AP2M1: variants seen among roughly 807,000 people sequenced by gnomAD.
AP2M1 encodes AP-2 complex subunit mu.
AP2M1 carries 5 observed loss-of-function variants against 54.5 expected under a neutral mutation model. The ratio of observed to expected loss-of-function variants is 0.09; its 90% CI spans 0.05 to 0.19. The LOEUF is 0.19. AP2M1 is among the 10% of genes least tolerant of loss of function. The pLI is 1.00. For synonymous variants in AP2M1, 186 were observed against 208.2 expected (o/e 0.89, Z 0.92); for missense variants, 178 against 580.2 (o/e 0.31, Z 7.12).
chr3:184,181,202 G>A lies in AP2M1; in HGVS notation c.683G>A (p.Gly228Asp), dbSNP rs1255589027. 1.9e-6 allele frequency: 3 copies of A among 1,614,008 alleles called. No individual in the cohort carries two copies. ...DKIVIEKQGKGTADETSKSGK... is the reference protein window; with the variant it reads ...DKIVIEKQGKDTADETSKSGK... ...ATTGTTATTGAAAAGCAGGGCAAAG[G>A]CACAGCTGATGAAACAAGCAAGAGG... Residue 228 changes from glycine to aspartate, a missense_variant, in exon 7 of 12, where the codon GGC becomes GAC. By Grantham distance (94) the Gly-to-Asp change is moderately conservative. Transcript: ENST00000292807. This position sits in a 1 kb window ranked among gnomAD's most constrained non-coding sequence, Gnocchi z 5.7.
At chr3:184,176,136 A>G (rs1715066110) in intron 1 of AP2M1, among the ~76,000 whole-genome samples, 1 of 152,076 alleles carries the variant, frequency 6.6e-6, no homozygotes, top group African/African-American at 2.4e-5. Context: ...GCCTGGAATC[A>G]CGATTTCAGA....
chr3:184,181,200 A>G lies in AP2M1; in HGVS notation c.681A>G (p.Lys227=). 11 of 1,614,146 alleles carry G rather than the reference A, an allele frequency of 6.8e-6. No homozygotes were observed. The highest frequency in any genetic ancestry group is 9.3e-6 in the Non-Finnish European group (11 of 1,180,026). Residue 227 remains lysine (K), a synonymous_variant, in exon 7 of 12, where the codon AAA becomes AAG. Coordinates refer to ENST00000292807, the MANE Select transcript of AP2M1 (RefSeq NM_004068.4). This position sits in a 1 kb window ranked among gnomAD's most constrained non-coding sequence, Gnocchi z 5.7. Reference sequence around the variant, plus strand: ...AGATTGTTATTGAAAAGCAGGGCAAAGGCACAGCTGATGAAACAAGCAAGA... The same window carrying G: ...AGATTGTTATTGAAAAGCAGGGCAAGGGCACAGCTGATGAAACAAGCAAGA... ...NDKIVIEKQG[K]GTADETSKSG...
chr3:184,178,852 C>A lies in AP2M1; in HGVS notation c.75-5C>A, dbSNP rs914732362. On this transcript the variant is annotated splice_polypyrimidine_tract_variant and splice_region_variant and intron_variant, in intron 2 of 11. Transcript: ENST00000292807. This position sits in a 1 kb window ranked among gnomAD's most constrained non-coding sequence, Gnocchi z 4.9. ...GAGCAGGCCCTATGCACTCTTTTCC[C>A]TCAGGAGGAACGCAGTGGATGCCTT... is the stretch of plus-strand genomic sequence containing the variant. 1 of 1,613,410 alleles carries A rather than the reference C, an allele frequency of 6.2e-7. No individual in the cohort carries two copies. The highest frequency in any genetic ancestry group is 8.5e-7 in the Non-Finnish European group (1 of 1,179,722).
chr3:184,180,820 C>T lies in AP2M1; in HGVS notation c.430-29C>T, dbSNP rs376758848. Reference sequence around the variant, plus strand: ...GATTAAAGGGACAGAGGAGTGAGGCCATTGCTGTTTGTTTCTGCCCTCATG... The same window carrying T: ...GATTAAAGGGACAGAGGAGTGAGGCTATTGCTGTTTGTTTCTGCCCTCATG... On this transcript the variant is annotated intron_variant, in intron 5 of 11. Coordinates refer to ENST00000292807, the MANE Select transcript of AP2M1 (RefSeq NM_004068.4). The surrounding 1 kb of genome is among the most constrained non-coding windows in gnomAD (Gnocchi z 4.9). 6.2e-7 allele frequency: 1 copy of T among 1,614,094 alleles called. No individual in the cohort carries two copies. The highest frequency in any genetic ancestry group is 8.5e-7 in the Non-Finnish European group (1 of 1,180,042).
chr3:184,179,994 G>A, intron 3 of AP2M1, 175 bp from the exon 4 acceptor site: 1 of 646,664 alleles, frequency 1.5e-6, no homozygotes, highest in Non-Finnish European at 2.7e-6. Flanking sequence ...TCAAACATTT[G>A]AATTGTTTTC....
At position 184,181,680 on chromosome 3, in the gene AP2M1, CTGCCCCTGCT is replaced by C; in HGVS notation, c.708-12_708-3del. The C allele has an allele frequency of 6.2e-7, 1 of 1,613,504 alleles. No homozygotes were observed. The highest frequency in any genetic ancestry group is 8.5e-7 in the Non-Finnish European group (1 of 1,179,812). ...TTCTCCTGTACCAATGAGACCTCTTCTGCCCCTGCTTGCAGCGGGAAGCAATCAATTGCCA... is the reference window on the plus strand; with the variant it reads ...TTCTCCTGTACCAATGAGACCTCTTCTGCAGCGGGAAGCAATCAATTGCCA... On this transcript the variant is annotated splice_region_variant and splice_polypyrimidine_tract_variant and intron_variant, in intron 7 of 11. Coordinates refer to ENST00000292807, the MANE Select transcript of AP2M1 (RefSeq NM_004068.4). This position sits in a 1 kb window ranked among gnomAD's most constrained non-coding sequence, Gnocchi z 5.7.
Position 184,176,849 on chromosome 3 carries a change from A to C in AP2M1, c.-43-102A>C, listed in dbSNP as rs2231213. The stretch of plus-strand genomic sequence containing the variant: ...GGAGGGCTGCAGGGTCACTTACTAA[A>C]GGGTTGAGTCAGGAAAGAAGCTCCA... On this transcript the variant is annotated intron_variant, in intron 1 of 11. Coordinates refer to ENST00000292807, the MANE Select transcript of AP2M1 (RefSeq NM_004068.4). 6.8e-3 allele frequency: 5,082 copies of C among 748,944 alleles called. 32 individuals are homozygous for C. Among genetic ancestry groups the C allele is most frequent in the Non-Finnish European group, 8.9e-3 (4,330 of 485,216 alleles). The allele number at this position is 748,944 out of a possible 1,614,324, so 46.4% of individuals were successfully genotyped here.
At position 184,176,939 on chromosome 3, in the gene AP2M1, C is replaced by G. The variant is rs1245865182; in HGVS notation, c.-43-12C>G. The G allele has an allele frequency of 2.0e-5, 32 of 1,583,684 alleles. No individual in the cohort carries two copies. Among genetic ancestry groups the G allele is most frequent in the Non-Finnish European group, 2.8e-5 (32 of 1,159,638 alleles). The stretch of plus-strand genomic sequence containing the variant: ...CTGAGGTCTTCTTTTACCCTGCCCC[C>G]GCCTGTCCTAGGTCTGTTCTCAGAG... On this transcript the variant is annotated splice_polypyrimidine_tract_variant and intron_variant, in intron 1 of 11. Transcript: ENST00000292807.
Position 184,177,085 on chromosome 3 carries a change from G to C in AP2M1, c.74+18G>C, listed in dbSNP as rs1328715710. The C allele has an allele frequency of 1.9e-6, 3 of 1,609,768 alleles. No individual in the cohort carries two copies. The highest frequency in any genetic ancestry group is 2.5e-6 in the Non-Finnish European group (3 of 1,177,784). ...GACATCGGGTGAGTCCCCTGGCGGAGCCAGCTGTGCCCCACCACTCCAGCC... is the reference window on the plus strand; with the variant it reads ...GACATCGGGTGAGTCCCCTGGCGGACCCAGCTGTGCCCCACCACTCCAGCC... On this transcript the variant is annotated intron_variant, in intron 2 of 11. Coordinates refer to ENST00000292807, the MANE Select transcript of AP2M1 (RefSeq NM_004068.4).
chr3:184,182,944 T>G lies in AP2M1; in HGVS notation c.1173+76T>G. ...CTTAGAGATCATTCCGATAAACTGC[T>G]GCACCTTAGAGGTGAGGAAACTGAG... On this transcript the variant is annotated intron_variant, in intron 11 of 11. Transcript: ENST00000292807. The surrounding 1 kb of genome is among the most constrained non-coding windows in gnomAD (Gnocchi z 5.5). 8.2e-7 allele frequency: 1 copy of G among 1,225,446 alleles called. No individual in the cohort carries two copies. The highest frequency in any genetic ancestry group is 1.2e-6 in the Non-Finnish European group (1 of 841,674). The allele number at this position is 1,225,446 out of a possible 1,614,324, so 75.9% of individuals were successfully genotyped here. A position where few individuals can be genotyped will look rare whatever the true frequency, so the allele number is the denominator to read the frequency against.
chr3:184,182,135 G>C lies in AP2M1; in HGVS notation c.964-16G>C. On this transcript the variant is annotated splice_polypyrimidine_tract_variant and intron_variant, in intron 9 of 11. Transcript: ENST00000292807. This position sits in a 1 kb window ranked among gnomAD's most constrained non-coding sequence, Gnocchi z 5.5. ...CACAGCTTGACAGAGCTCCCTGACA[G>C]GTGTGTCACTTCTAGGTGAGGATCC... 1.2e-6 allele frequency: 2 copies of C among 1,613,514 alleles called. No homozygotes were observed. The highest frequency in any genetic ancestry group is 1.7e-6 in the Non-Finnish European group (2 of 1,179,676).
rs1715255646 is a variant in AP2M1 at position 184,181,013 on chromosome 3, G to A, written c.565+29G>A. 1 of 1,613,976 alleles carries A rather than the reference G, an allele frequency of 6.2e-7. No individual in the cohort carries two copies. The highest frequency in any genetic ancestry group is 1.3e-5 in the African/African-American group (1 of 74,916). Reference sequence around the variant, plus strand: ...AGGTCCCTCTCACGACAAAGTTGGAGGGGGCCCAGGGCAGGATCCTGGGCC... The same window carrying A: ...AGGTCCCTCTCACGACAAAGTTGGAAGGGGCCCAGGGCAGGATCCTGGGCC... On this transcript the variant is annotated intron_variant, in intron 6 of 11. Coordinates refer to ENST00000292807, the MANE Select transcript of AP2M1 (RefSeq NM_004068.4). This position sits in a 1 kb window ranked among gnomAD's most constrained non-coding sequence, Gnocchi z 5.7.
rs1053339912 is a variant in AP2M1, at chr3:184,180,500, GGAGGCCTGGTCTT to G, written c.424-134_424-122del. 2.8e-4 allele frequency: 368 copies of G among 1,310,368 alleles called. No homozygotes were observed. The highest frequency in any genetic ancestry group is 3.9e-4 in the Non-Finnish European group (361 of 934,060). The allele number at this position is 1,310,368 out of a possible 1,614,324, so 81.2% of individuals were successfully genotyped here. On this transcript the variant is annotated intron_variant, in intron 4 of 11. Coordinates refer to ENST00000292807, the MANE Select transcript of AP2M1 (RefSeq NM_004068.4). This position sits in a 1 kb window ranked among gnomAD's most constrained non-coding sequence, Gnocchi z 4.9. ...TCCTTTTGCACTGAGGGGTGGGGGA[GGAGGCCTGGTCTT>G]GAGGCCTGGTATTCCTCAGGAGGAG...
chr3:184,178,265 GGGGCCTGC>G lies in AP2M1; in HGVS notation c.75-591_75-584del. The G allele has an allele frequency of 6.5e-7, 1 of 1,533,782 alleles. No individual in the cohort carries two copies. Among genetic ancestry groups the G allele is most frequent in the Non-Finnish European group, 8.7e-7 (1 of 1,144,740 alleles). ...GCTGCTGCCCAGGTACAGGTGGGTG[GGGGCCTGC>G]CCCCATCGTTTTCCTGCATCCTTTT... is the stretch of plus-strand genomic sequence containing the variant. On this transcript the variant is annotated intron_variant, in intron 2 of 11. Transcript: ENST00000292807. The surrounding 1 kb of genome is among the most constrained non-coding windows in gnomAD (Gnocchi z 4.9).
chr3:184,182,064 C>G lies in AP2M1; in HGVS notation c.963+17C>G. On this transcript the variant is annotated intron_variant, in intron 9 of 11. Coordinates refer to ENST00000292807, the MANE Select transcript of AP2M1 (RefSeq NM_004068.4). The surrounding 1 kb of genome is among the most constrained non-coding windows in gnomAD (Gnocchi z 5.5). ...AAGATCGAGGTGAGGACAGGGGGCT[C>G]AAGGAGGAGGAAGAACTTGTCCCTA... 8 of 1,612,016 alleles carry G rather than the reference C, an allele frequency of 5.0e-6. No individual in the cohort carries two copies. Among genetic ancestry groups the G allele is most frequent in the Non-Finnish European group, 6.8e-6 (8 of 1,178,640 alleles).
Position 184,182,121 on chromosome 3 carries a change from A to G in AP2M1, c.964-30A>G. On this transcript the variant is annotated intron_variant, in intron 9 of 11. Transcript: ENST00000292807. The surrounding 1 kb of genome is among the most constrained non-coding windows in gnomAD (Gnocchi z 5.5). ...AAGGTAGCTGATGTCACAGCTTGAC[A>G]GAGCTCCCTGACAGGTGTGTCACTT... is the stretch of plus-strand genomic sequence containing the variant. 1 of 1,612,846 alleles carries G rather than the reference A, an allele frequency of 6.2e-7. No individual in the cohort carries two copies. Among genetic ancestry groups the G allele is most frequent in the Non-Finnish European group, 8.5e-7 (1 of 1,179,196 alleles).
At chr3:184,176,692 GA>G in intron 1 of AP2M1, 2 of 455,662 alleles carry the variant, frequency 4.4e-6, no homozygotes, top group Non-Finnish European at 7.7e-6. Flanking sequence ...GGGGGTTACT[GA>G]TGCTCAGCCC....
Position 184,180,339 on chromosome 3 carries a change from T to C in AP2M1, c.423+88T>C, listed in dbSNP as rs996509592. 6.1e-6 allele frequency: 9 copies of C among 1,474,710 alleles called. No individual in the cohort carries two copies. The highest frequency in any genetic ancestry group is 8.4e-6 in the Non-Finnish European group (9 of 1,072,922). The allele number at this position is 1,474,710 out of a possible 1,614,324, so 91.4% of individuals were successfully genotyped here. ...CCTGAGCCTTGTCTGAGCTGACTCA[T>C]GAGCCCTCCCATGACAGGAAGTGCT... On this transcript the variant is annotated intron_variant, in intron 4 of 11. Coordinates refer to ENST00000292807, the MANE Select transcript of AP2M1 (RefSeq NM_004068.4). This position sits in a 1 kb window ranked among gnomAD's most constrained non-coding sequence, Gnocchi z 4.9.
At position 184,178,270 on chromosome 3, in the gene AP2M1, C is replaced by A; in HGVS notation, c.75-587C>A. ...TGCCCAGGTACAGGTGGGTGGGGGC[C>A]TGCCCCCATCGTTTTCCTGCATCCT... On this transcript the variant is annotated intron_variant, in intron 2 of 11. Coordinates refer to ENST00000292807, the MANE Select transcript of AP2M1 (RefSeq NM_004068.4). The surrounding 1 kb of genome is among the most constrained non-coding windows in gnomAD (Gnocchi z 4.9). 6.5e-7 allele frequency: 1 copy of A among 1,529,120 alleles called. No homozygotes were observed. Among genetic ancestry groups the A allele is most frequent in the Non-Finnish European group, 8.8e-7 (1 of 1,140,474 alleles). 94.7% of individuals were successfully genotyped at this position (1,529,120 alleles called of 1,614,324 possible).
Sources: allele counts gnomAD v4.1 joint callset (sites outside exome capture counted in the v4.1 genomes callset), GRCh38; gene constraint gnomAD v4.1.1; non-coding constraint Gnocchi (gnomAD v3.1); transcripts MANE v1.5; gene names NCBI Gene and HGNC (gene_info 2026-07-23, HGNC 2026-07-21).